Variants in SETD3 observed in about 807,000 individuals in gnomAD.
SETD3 encodes the protein SET domain containing 3, actin N3(tau)-histidine methyltransferase.
Under a neutral mutation model 63.0 loss-of-function variants are expected in SETD3, and 19 were observed. The ratio of observed to expected loss-of-function variants is 0.30; its 90% CI spans 0.21 to 0.44. The LOEUF is 0.44. Among genes scored for constraint, SETD3 ranks in the 20% least tolerant of loss-of-function variants. The probability of loss-of-function intolerance (pLI) is 1.00; values close to 1 mark genes in which losing one functional copy is unlikely to be tolerated. For missense variants in SETD3, 587 were observed against 728.5 expected, an observed-to-expected ratio of 0.81 and a Z score of 2.24; for synonymous variants, 286 against 264.1, an observed-to-expected ratio of 1.08 and a Z score of -0.80.
upstream of SETD3, chr14:99,481,257 C>T: frequency 5.0e-6 from 2 of 396,082 alleles, no homozygotes; most frequent in South Asian, 1.4e-4. Flanking sequence ...GCAGCAGCCA[C>T]TGACCCGCGG....
chr14:99,481,374 G>T (rs1896308387), upstream of SETD3: 3 of 398,708 alleles, frequency 7.5e-6, no homozygotes, highest in East Asian at 1.1e-4. Context: ...TCGCTTGGTG[G>T]CGTCTCAGGA....
At chr14:99,415,321 C>T (rs549382292) in intron 6 of SETD3, among the ~76,000 whole-genome samples, 68 of 152,016 alleles carry the variant, frequency 4.5e-4, no homozygotes, top group Non-Finnish European at 7.8e-4. Context: ...AATTTGGAGC[C>T]CCCACTAAGA....
intron 9 of SETD3, among the ~76,000 whole-genome samples, chr14:99,405,895 G>A (rs907958426): frequency 6.6e-6 from 1 of 152,220 alleles, no homozygotes; most frequent in Non-Finnish European, 1.5e-5. Context: ...GAACAGATCA[G>A]TACTTTGCTA....
intron 6 of SETD3, among the ~76,000 whole-genome samples, chr14:99,448,273 T>C (rs1894248816): frequency 6.6e-6 from 1 of 152,160 alleles, no homozygotes; most frequent in South Asian, 2.1e-4. Flanking sequence ...GAGCCGACAC[T>C]GCACCAGGGA....
At chr14:99,480,293 A>G (rs1016491957) in intron 1 of SETD3, among the ~76,000 whole-genome samples, 3 of 151,936 alleles carry the variant, frequency 2.0e-5, no homozygotes, top group Admixed American at 2.0e-4. Flanking sequence ...CGCAGAGCCG[A>G]GCCGACTAGC....
intron 6 of SETD3, among the ~76,000 whole-genome samples, chr14:99,426,129 T>C (rs375968149): frequency 3.0e-4 from 46 of 152,140 alleles, no homozygotes; most frequent in Admixed American, 3.0e-3. Flanking sequence ...CGCCCCCCCA[T>C]CCACTTAGCC....
upstream of SETD3, chr14:99,481,490 C>A: frequency 2.5e-6 from 1 of 398,694 alleles, no homozygotes. Flanking sequence ...GTGAGTGACC[C>A]ACCGACTGAG....
chr14:99,446,699 C>T (rs1327933303), intron 6 of SETD3, among the ~76,000 whole-genome samples: 1 of 152,112 alleles, frequency 6.6e-6, no homozygotes. Flanking sequence ...GGGCCAAGGA[C>T]CGCAGTCAGG....
At chr14:99,480,305 CG>C (rs1212845299) in intron 1 of SETD3, among the ~76,000 whole-genome samples, 1 of 152,050 alleles carries the variant, frequency 6.6e-6, no homozygotes, top group African/African-American at 2.4e-5. Context: ...CCGACTAGCG[CG>C]AGGGGCCCGG....
intron 11 of SETD3, among the ~76,000 whole-genome samples, chr14:99,402,392 C>G (rs540319258): frequency 1.3e-5 from 2 of 152,314 alleles, no homozygotes; most frequent in East Asian, 3.9e-4. Context: ...GGCCAAGTTA[C>G]TTATCCTCTT....
chr14:99,475,132 A>G (rs1175423926), intron 1 of SETD3, among the ~76,000 whole-genome samples: 2 of 152,240 alleles, frequency 1.3e-5, no homozygotes, highest in African/African-American at 2.4e-5. Context: ...ATGTGTGAAG[A>G]AACAGCTGTA....
At chr14:99,435,250 TA>T (rs990223381) in intron 6 of SETD3, among the ~76,000 whole-genome samples, 4 of 152,184 alleles carry the variant, frequency 2.6e-5, no homozygotes, top group African/African-American at 4.8e-5. Context: ...AGTATAGCTA[TA>T]TTTTTTTAGG....
At chr14:99,455,116 T>C (rs1024913646) in intron 6 of SETD3, among the ~76,000 whole-genome samples, 1 of 152,264 alleles carries the variant, frequency 6.6e-6, no homozygotes, top group Non-Finnish European at 1.5e-5. Flanking sequence ...CTACAAAGCA[T>C]GTGCTCTTTC....
chr14:99,405,488 G>T, intron 9 of SETD3, 117 bp from the exon 10 acceptor site: 1 of 1,075,074 alleles, frequency 9.3e-7, no homozygotes, highest in Non-Finnish European at 1.3e-6. Context: ...ATAGCTGAAA[G>T]TATTGATACA....
intron 6 of SETD3, among the ~76,000 whole-genome samples, chr14:99,435,978 G>A (rs1407515852): frequency 6.6e-6 from 1 of 152,050 alleles, no homozygotes; most frequent in Non-Finnish European, 1.5e-5. Flanking sequence ...AGCATGGTTG[G>A]GGAGGCCTCA....
chr14:99,462,448 A>G (rs1257623472), intron 3 of SETD3, among the ~76,000 whole-genome samples: 1 of 152,234 alleles, frequency 6.6e-6, no homozygotes, highest in East Asian at 1.9e-4. Flanking sequence ...TGAAGAGGGC[A>G]TGCTGGATAT....
chr14:99,462,948 G>A (rs558584333), intron 3 of SETD3, among the ~76,000 whole-genome samples: 1 of 152,280 alleles, frequency 6.6e-6, no homozygotes, highest in South Asian at 2.1e-4. Flanking sequence ...AAAAACAATA[G>A]GTATAGTGAA....
intron 6 of SETD3, among the ~76,000 whole-genome samples, chr14:99,415,339 CTTA>C (rs1191169469): frequency 6.6e-6 from 1 of 152,162 alleles, no homozygotes; most frequent in Admixed American, 6.5e-5. Context: ...AGAAGTCTGA[CTTA>C]TTAAATGGCA....
chr14:99,456,613 G>A (rs1215873010), intron 6 of SETD3, among the ~76,000 whole-genome samples: 1 of 152,110 alleles, frequency 6.6e-6, no homozygotes, highest in Non-Finnish European at 1.5e-5. Flanking sequence ...ATAGAAGGTG[G>A]TATAATTTAA....
Sources: gnomAD v4.1 joint callset for allele counts (sites outside exome capture counted in the v4.1 genomes callset) on GRCh38, gnomAD v4.1.1 for gene constraint, MANE v1.5 for transcripts, NCBI Gene and HGNC (gene_info 2026-07-23, HGNC 2026-07-21) for gene names.